RPP40: variants seen among roughly 807,000 people sequenced by gnomAD.
RPP40 encodes ribonuclease P/MRP subunit p40.
Under a neutral mutation model 42.5 loss-of-function variants are expected in RPP40, and 30 were observed. That is an observed-to-expected ratio of 0.71 (90% CI 0.53 to 0.96). The LOEUF (loss-of-function observed/expected upper bound fraction) is 0.96. Ranked by LOEUF, RPP40 falls within the 40% of genes least tolerant of loss-of-function variation. The probability of loss-of-function intolerance (pLI) is 0.00; values close to 1 mark genes in which losing one functional copy is unlikely to be tolerated. For synonymous variants in RPP40, 173 were observed against 164.0 expected, an observed-to-expected ratio of 1.05 and a Z score of -0.42; for missense variants, 426 against 433.5, an observed-to-expected ratio of 0.98 and a Z score of 0.15.
Position 4,999,842 on chromosome 6 carries a change from A to G in RPP40, c.400T>C (p.Ser134Pro). The G allele has an allele frequency of 6.2e-7, 1 of 1,607,854 alleles. No individual in the cohort carries two copies. Among genetic ancestry groups the G allele is most frequent in the Admixed American group, 1.7e-5 (1 of 59,920 alleles). The change falls in exon 4 of 8, where the codon TCT (serine) becomes CCT (proline). Residue 134 changes from serine (S) to proline (P), a missense_variant. Transcript: ENST00000380051. ...ATAATTTTTCTGCCAGAAAACTGAG[A>G]TGGATGACCCTGAAGTCCAGTTTCT... ...YEETGLQGHP[S>P]QFSGRKIMKF...
chr6:4,989,960 G>A (rs1260097589), downstream of RPP40, among the ~76,000 whole-genome samples: 1 of 152,158 alleles, frequency 6.6e-6, no homozygotes, highest in Non-Finnish European at 1.5e-5. Context: ...AAAGCCTTCA[G>A]TACAATGTTG....
rs371944622 is a variant in RPP40, at chr6:4,995,226, T to C, written c.944A>G (p.Gln315Arg). Residue 315 changes from glutamine to arginine, a missense_variant, in exon 8 of 8, where the codon CAA (glutamine) becomes CGA (arginine). Gln to Arg is a conservative substitution (Grantham distance 43, BLOSUM62 1). Coordinates refer to ENST00000380051, the MANE Select transcript of RPP40 (RefSeq NM_006638.4). ...KLAPWVTLSVQGFADSPVSWE... is the reference protein window; with the variant it reads ...KLAPWVTLSVRGFADSPVSWE... ...AGAAACAGGGCTGTCTGCAAAGCCT[T>C]GAACGGACAGTGTAACCCATGGAGC... The C allele has an allele frequency of 9.3e-6, 15 of 1,614,186 alleles. No individual in the cohort carries two copies. In the South Asian group the frequency reaches 9.9e-5, roughly 11 times the overall value.
chr6:4,988,789 T>C, the RPP40 span, among the ~76,000 whole-genome samples: 7 of 152,202 alleles, frequency 4.6e-5, no homozygotes, highest in Non-Finnish European at 1.0e-4. Flanking sequence ...CATTTGAGTA[T>C]GGGTTTTTGT....
In RPP40 at chr6:4,996,232, T is replaced by C. The variant is rs1208663991; in HGVS notation, c.748A>G (p.Asn250Asp). The C allele has an allele frequency of 6.2e-7, 1 of 1,613,832 alleles. No individual in the cohort carries two copies. The highest frequency in any genetic ancestry group is 1.6e-4 in the Middle Eastern group (1 of 6,062). The stretch of plus-strand genomic sequence containing the variant: ...AGTTCAGATACCCACAGGTCGACAT[T>C]ACTGAAGACGGCGCCGAGCCAGTCG... ...LFDWLGAVFS[N>D]VDLNNEPNNF... Residue 250 changes from asparagine to aspartate, a missense_variant, in exon 6 of 8, where the codon AAT becomes GAT. Physicochemically the swap from Asn to Asp is conservative, Grantham distance 23. Coordinates refer to ENST00000380051, the MANE Select transcript of RPP40 (RefSeq NM_006638.4).
At position 4,996,023 on chromosome 6, in the gene RPP40, G is replaced by A. The variant is rs762605611; in HGVS notation, c.821C>T (p.Ala274Val). Residue 274 changes from alanine to valine, a missense_variant, in exon 7 of 8, where the codon GCA becomes GTA. Physicochemically the swap from Ala to Val is moderately conservative, Grantham distance 64. Transcript: ENST00000380051. Reference sequence around the variant, plus strand: ...AGTGATTGTACACAAATAAGCTTTTGCCACCACTGTGCTTGGCTCAGGACA... The same window carrying A: ...AGTGATTGTACACAAATAAGCTTTTACCACCACTGTGCTTGGCTCAGGACA... ...YCCPEPSTVV[A>V]KAYLCTITGF... is the part of the protein sequence containing the mutation. 2 of 1,613,798 alleles carry A rather than the reference G, an allele frequency of 1.2e-6. No homozygotes were observed. The highest frequency in any genetic ancestry group is 1.7e-5 in the Admixed American group (1 of 59,988).
intron 1 of RPP40, chr6:5,003,656 A>C (rs527345303): frequency 4.0e-6 from 2 of 496,822 alleles, no homozygotes; most frequent in Non-Finnish European, 6.9e-6. Context: ...CAGACTGGGT[A>C]CCGCCCCCAC....
chr6:4,992,368 C>CA (rs56244686), downstream of RPP40, among the ~76,000 whole-genome samples: 231 of 108,704 alleles, frequency 2.1e-3, no homozygotes, highest in African/African-American at 2.8e-3. Flanking sequence ...GGCTCTGTCT[C>CA]AAAAAAAAAA....
intron 7 of RPP40, 87 bp downstream of exon 7, chr6:4,995,864 C>A: frequency 7.7e-7 from 1 of 1,305,308 alleles, no homozygotes. Context: ...ATTTATATAC[C>A]ACCTCCCAAA....
chr6:4,993,899 T>TA (rs1759296939), downstream of RPP40, among the ~76,000 whole-genome samples: 1 of 152,094 alleles, frequency 6.6e-6, no homozygotes, highest in Non-Finnish European at 1.5e-5. Context: ...GGTCTCCTGT[T>TA]AGTTTTCCTC....
chr6:4,996,484 T>C, intron 5 of RPP40, 64 bp from the exon 6 acceptor site: 1 of 1,460,794 alleles, frequency 6.8e-7, no homozygotes, highest in South Asian at 1.2e-5. Context: ...GTTTAGTGAA[T>C]ACCTGAACCC....
At chr6:4,995,678 C>T (rs1759354097) in intron 7 of RPP40, among the ~76,000 whole-genome samples, 1 of 152,060 alleles carries the variant, frequency 6.6e-6, no homozygotes, top group Admixed American at 6.5e-5. Context: ...CGAAGAAAGT[C>T]AAAGTACTAA....
chr6:5,000,859 CAA>C (rs1759532117), intron 2 of RPP40, among the ~76,000 whole-genome samples: 2 of 142,808 alleles, frequency 1.4e-5, no homozygotes, highest in South Asian at 2.2e-4. Flanking sequence ...TGCAGAAGAC[CAA>C]GCATGCAGAA....
intron 5 of RPP40, among the ~76,000 whole-genome samples, chr6:4,997,035 T>A (rs986183796): frequency 6.6e-6 from 1 of 151,988 alleles, no homozygotes; most frequent in Non-Finnish European, 1.5e-5. Context: ...AGGACTGGAG[T>A]TCTTAAACTC....
At position 4,995,084 on chromosome 6, in the gene RPP40, T is replaced by C. The variant is rs371741236; in HGVS notation, c.1086A>G (p.Pro362=). 1.2e-5 allele frequency: 20 copies of C among 1,611,080 alleles called. No homozygotes were observed. Among genetic ancestry groups the C allele is most frequent in the Non-Finnish European group, 1.7e-5 (20 of 1,178,632 alleles). The change falls in exon 8 of 8, where the codon CCA becomes CCG. Residue 362 remains proline (P), a synonymous_variant. Transcript: ENST00000380051. ...QMAVGANDHC[P]P ...GATTTTTAATTTTTATTTTTTATGG[T>C]GGACAGTGATCATTTGCCCCAACAG...
At chr6:5,002,028 C>CCTAG in intron 2 of RPP40, 73 bp downstream of exon 2, 1 of 1,350,900 alleles carries the variant, frequency 7.4e-7, no homozygotes, top group Non-Finnish European at 1.0e-6. Context: ...AAACAACAGC[C>CCTAG]CTAGCATCGT....
chr6:5,000,348 C>T (rs1253907899), intron 3 of RPP40, among the ~76,000 whole-genome samples: 5 of 152,066 alleles, frequency 3.3e-5, no homozygotes, highest in Non-Finnish European at 5.9e-5. Flanking sequence ...GCCACCACGC[C>T]GGCTAATTTT....
chr6:4,998,743 C>A lies in RPP40; in HGVS notation c.532G>T (p.Asp178Tyr). ...GTTTTATGCCAAGCCAAAAGAAAAT[C>A]AAATTTCAATGGCTTCTTTTCTTTG... is the stretch of plus-strand genomic sequence containing the variant. ...SFKEKKPLKF[D>Y]FLLAWHKTGS... Residue 178 changes from aspartate to tyrosine, a missense_variant, in exon 5 of 8, where the codon GAT (aspartate) becomes TAT (tyrosine). Asp to Tyr is a radical substitution (Grantham distance 160, BLOSUM62 -3). Transcript: ENST00000380051. 2 of 1,558,456 alleles carry A rather than the reference C, an allele frequency of 1.3e-6. No individual in the cohort carries two copies. The highest frequency in any genetic ancestry group is 1.7e-6 in the Non-Finnish European group (2 of 1,147,104).
At chr6:4,993,372 A>G (rs563162230), downstream of RPP40, among the ~76,000 whole-genome samples, 15 of 152,282 alleles carry the variant, frequency 9.9e-5, no homozygotes, top group African/African-American at 3.6e-4. Context: ...GGCACTTTTT[A>G]CAATCTGCTT....
chr6:4,995,047 G>A lies in RPP40; in HGVS notation c.*31C>T, dbSNP rs770044564. ...AAGAAATCTGAAAGCAAGCGTAAAT[G>A]TAAGTAAACACGATTTTTAATTTTT... is the stretch of plus-strand genomic sequence containing the variant. On this transcript the variant is annotated 3_prime_UTR_variant, in exon 8 of 8. Transcript: ENST00000380051. 1.3e-6 allele frequency: 2 copies of A among 1,568,810 alleles called. No individual in the cohort carries two copies. Among genetic ancestry groups the A allele is most frequent in the African/African-American group, 1.4e-5 (1 of 73,722 alleles).
Sources: allele counts gnomAD v4.1 joint callset (sites outside exome capture counted in the v4.1 genomes callset), GRCh38; gene constraint gnomAD v4.1.1; transcripts MANE v1.5; gene names NCBI Gene and HGNC (gene_info 2026-07-23, HGNC 2026-07-21).